The following SUMO4 variants were observed in gnomAD, a reference collection of about 807,000 sequenced individuals.
SUMO4 encodes small ubiquitin like modifier 4, also known as small ubiquitin-related modifier 4.
In SUMO4, 6 loss-of-function variants were observed where a neutral mutation model predicts 7.7. The ratio of observed to expected loss-of-function variants is 0.78; its 90% confidence interval spans 0.43 to 1.53. The LOEUF is 1.53. Ranked by LOEUF, SUMO4 falls within the 40% of genes most tolerant of loss-of-function variation. The pLI is 0.01. For synonymous variants in SUMO4, 43 were observed against 41.2 expected (o/e 1.04, Z -0.17); for missense variants, 113 against 113.6 (o/e 0.99, Z 0.03).
rs553311748 is a variant in SUMO4 at position 149,400,296 on chromosome 6, A to C, written c.-96A>C. The C allele has an allele frequency of 7.2e-7, 1 of 1,389,060 alleles. No individual in the cohort carries two copies. The highest frequency in any genetic ancestry group is 2.3e-5 in the East Asian group (1 of 43,264). The allele number at this position is 1,389,060 out of a possible 1,614,324, so 86.0% of individuals were successfully genotyped here. On this transcript the variant is annotated 5_prime_UTR_variant, in exon 1 of 1. Coordinates refer to ENST00000326669, the MANE Select transcript of SUMO4 (RefSeq NM_001002255.2). The stretch of plus-strand genomic sequence containing the variant: ...ACCCTCTCCCTCATCCACCGCTGTC[A>C]CCTCCTGCTGCTCTTCCTGCTGCTC...
rs1405947878 is a variant in SUMO4 at position 149,401,008 on chromosome 6, A to G, written c.*329A>G. The G allele has an allele frequency of 8.2e-6, 2 of 243,632 alleles. No individual in the cohort carries two copies. Among genetic ancestry groups the G allele is most frequent in the African/African-American group, 4.6e-5 (2 of 43,890 alleles). 15.1% of individuals were successfully genotyped at this position (243,632 alleles called of 1,614,324 possible). A position where few individuals can be genotyped will look rare whatever the true frequency, so the allele number is the denominator to read the frequency against. On this transcript the variant is annotated 3_prime_UTR_variant, in exon 1 of 1. Transcript: ENST00000326669. ...GCATGTTCATTCAGGTCTTATCTTTATATTCTAGTAAGTTATTTTGCTCTC... is the reference window on the plus strand; with the variant it reads ...GCATGTTCATTCAGGTCTTATCTTTGTATTCTAGTAAGTTATTTTGCTCTC...
rs1782380660 is a variant in SUMO4 at position 149,400,875 on chromosome 6, T to G, written c.*196T>G. 3 of 611,126 alleles carry G rather than the reference T, an allele frequency of 4.9e-6. No homozygotes were observed. Among genetic ancestry groups the G allele is most frequent in the East Asian group, 5.9e-5 (2 of 33,948 alleles). 37.9% of individuals were successfully genotyped at this position (611,126 alleles called of 1,614,324 possible). ...TGGTATGTGTACACAAGCATATTGC[T>G]TTTTTCTTCAAACCAAACAGCCAAT... On this transcript the variant is annotated 3_prime_UTR_variant, in exon 1 of 1. Coordinates refer to ENST00000326669, the MANE Select transcript of SUMO4 (RefSeq NM_001002255.2).
chr6:149,400,391 C>G lies in SUMO4; in HGVS notation c.-1C>G, dbSNP rs1356324946. 1 of 1,613,752 alleles carries G rather than the reference C, an allele frequency of 6.2e-7. No individual in the cohort carries two copies. Among genetic ancestry groups the G allele is most frequent in the Non-Finnish European group, 8.5e-7 (1 of 1,179,920 alleles). ...CAGCTGAGGAGACTCCGGTGTTCAC[C>G]ATGGCCAACGAAAAGCCCACAGAAG... is the stretch of plus-strand genomic sequence containing the variant. On this transcript the variant is annotated 5_prime_UTR_variant, in exon 1 of 1. Coordinates refer to ENST00000326669, the MANE Select transcript of SUMO4 (RefSeq NM_001002255.2).
In SUMO4 at chr6:149,400,631, T is replaced by A; in HGVS notation, c.240T>A (p.Asp80Glu). ...AACCTGCACAGTTGGAAATGGAAGA[T>A]GAAGATACAATTGATGTGTTTCAAC... The part of the protein sequence containing the change: ...TDKPAQLEME[D>E]EDTIDVFQQP... Residue 80 changes from aspartate (D) to glutamate (E), a missense_variant, in exon 1 of 1, where the codon GAT (aspartate) becomes GAA (glutamate). Coordinates refer to ENST00000326669, the MANE Select transcript of SUMO4 (RefSeq NM_001002255.2). 1 of 1,614,188 alleles carries A rather than the reference T, an allele frequency of 6.2e-7. No homozygotes were observed.
At position 149,400,355 on chromosome 6, in the gene SUMO4, T is replaced by C. The variant is rs557792484; in HGVS notation, c.-37T>C. 142 of 1,603,948 alleles carry C rather than the reference T, an allele frequency of 8.9e-5. No individual in the cohort carries two copies. In the Middle Eastern group the frequency reaches 1.3e-3, roughly 14 times the overall value. ...GTTAGGTGCGGACCCGCCACCTCTT[T>C]TGTGAAGCAGCAGCTGAGGAGACTC... On this transcript the variant is annotated 5_prime_UTR_variant, in exon 1 of 1. Transcript: ENST00000326669.
rs1049150061 is a variant in SUMO4 at position 149,400,809 on chromosome 6, T to C, written c.*130T>C. On this transcript the variant is annotated 3_prime_UTR_variant, in exon 1 of 1. Transcript: ENST00000326669. ...TACAGTATAGTTTTCTCTATTCTTT[T>C]GTTTCCCCCTTCCACATTCTTTTAT... 3.9e-6 allele frequency: 4 copies of C among 1,029,178 alleles called. No individual in the cohort carries two copies. In the African/African-American group the frequency reaches 4.9e-5, roughly 13 times the overall value. The allele number at this position is 1,029,178 out of a possible 1,614,324, so 63.8% of individuals were successfully genotyped here.
rs542559551 is a variant in SUMO4, at chr6:149,400,409, C to A, written c.18C>A (p.Pro6=). The change falls in exon 1 of 1, where the codon CCC becomes CCA. Residue 6 remains proline (P), a synonymous_variant. Transcript: ENST00000326669. MANEK[P]TEEVKTENNN... is the part of the protein sequence containing the mutation. ...TGTTCACCATGGCCAACGAAAAGCC[C>A]ACAGAAGAAGTCAAGACTGAGAACA... 19 of 1,614,040 alleles carry A rather than the reference C, an allele frequency of 1.2e-5. No individual in the cohort carries two copies. Among genetic ancestry groups the A allele is most frequent in the Non-Finnish European group, 1.6e-5 (19 of 1,180,042 alleles).
At position 149,400,306 on chromosome 6, in the gene SUMO4, G is replaced by T; in HGVS notation, c.-86G>T. The T allele has an allele frequency of 6.8e-7, 1 of 1,460,334 alleles. No homozygotes were observed. The highest frequency in any genetic ancestry group is 9.3e-7 in the Non-Finnish European group (1 of 1,076,000). The allele number at this position is 1,460,334 out of a possible 1,614,324, so 90.5% of individuals were successfully genotyped here. On this transcript the variant is annotated 5_prime_UTR_variant, in exon 1 of 1. Coordinates refer to ENST00000326669, the MANE Select transcript of SUMO4 (RefSeq NM_001002255.2). ...TCATCCACCGCTGTCACCTCCTGCT[G>T]CTCTTCCTGCTGCTCGTGTACTCGT...
chr6:149,401,050 CA>C lies in SUMO4; in HGVS notation c.*380del, dbSNP rs984797511. On this transcript the variant is annotated 3_prime_UTR_variant, in exon 1 of 1. Transcript: ENST00000326669. ...TTTGCTCTCACTGTTTTAACAACAA[CA>C]AAAAAAAATTCTCACATACCTTGTT... The C allele has an allele frequency of 4.1e-4, 80 of 196,012 alleles. No individual in the cohort carries two copies. Among genetic ancestry groups the C allele is most frequent in the East Asian group, 9.2e-4 (6 of 6,500 alleles). 12.1% of individuals were successfully genotyped at this position (196,012 alleles called of 1,614,324 possible). A position where few individuals can be genotyped will look rare whatever the true frequency, so the allele number is the denominator to read the frequency against.
At position 149,400,610 on chromosome 6, in the gene SUMO4, T is replaced by C. The variant is rs148387745; in HGVS notation, c.219T>C (p.Pro73=). The change falls in exon 1 of 1, where the codon CCT becomes CCC. Residue 73 remains proline, a synonymous_variant. Coordinates refer to ENST00000326669, the MANE Select transcript of SUMO4 (RefSeq NM_001002255.2). The stretch of plus-strand genomic sequence containing the variant: ...AACCAATCAGTGGAACAGACAAACC[T>C]GCACAGTTGGAAATGGAAGATGAAG... The part of the protein sequence containing the change: ...GGQPISGTDK[P]AQLEMEDEDT... 186 of 1,614,090 alleles carry C rather than the reference T, an allele frequency of 1.2e-4. No homozygotes were observed. Among genetic ancestry groups the C allele is most frequent in the Non-Finnish European group, 1.5e-4 (177 of 1,180,040 alleles).
chr6:149,400,298 C>T lies in SUMO4; in HGVS notation c.-94C>T. ...CCTCTCCCTCATCCACCGCTGTCAC[C>T]TCCTGCTGCTCTTCCTGCTGCTCGT... On this transcript the variant is annotated 5_prime_UTR_variant, in exon 1 of 1. Transcript: ENST00000326669. 2.1e-6 allele frequency: 3 copies of T among 1,407,692 alleles called. No individual in the cohort carries two copies. Among genetic ancestry groups the T allele is most frequent in the Non-Finnish European group, 2.9e-6 (3 of 1,032,904 alleles). 87.2% of individuals were successfully genotyped at this position (1,407,692 alleles called of 1,614,324 possible).
Position 149,400,743 on chromosome 6 carries a change from A to G in SUMO4, c.*64A>G. 1 of 1,545,488 alleles carries G rather than the reference A, an allele frequency of 6.5e-7. No individual in the cohort carries two copies. Among genetic ancestry groups the G allele is most frequent in the African/African-American group, 1.4e-5 (1 of 72,734 alleles). ...TAAAGACCAAGATTACTGCATTCTC[A>G]ATTAGAAAACTGCAATTTGGTTCCA... On this transcript the variant is annotated 3_prime_UTR_variant, in exon 1 of 1. Coordinates refer to ENST00000326669, the MANE Select transcript of SUMO4 (RefSeq NM_001002255.2).
In SUMO4 at chr6:149,400,419, G is replaced by A; in HGVS notation, c.28G>A (p.Val10Ile). MANEKPTEE[V>I]KTENNNHINL... ...GGCCAACGAAAAGCCCACAGAAGAA[G>A]TCAAGACTGAGAACAACAATCATAT... The change falls in exon 1 of 1, where the codon GTC (valine) becomes ATC (isoleucine). Residue 10 changes from valine to isoleucine, a missense_variant. Physicochemically the swap from Val to Ile is conservative, Grantham distance 29 (BLOSUM62 3). Coordinates refer to ENST00000326669, the MANE Select transcript of SUMO4 (RefSeq NM_001002255.2). 2 of 1,614,226 alleles carry A rather than the reference G, an allele frequency of 1.2e-6. No homozygotes were observed. The highest frequency in any genetic ancestry group is 2.7e-5 in the African/African-American group (2 of 75,082).
Position 149,400,883 on chromosome 6 carries a change from TCAAAC to T in SUMO4, c.*210_*214del, listed in dbSNP as rs1782381061. The T allele has an allele frequency of 1.7e-6, 1 of 587,776 alleles. No individual in the cohort carries two copies. The highest frequency in any genetic ancestry group is 2.9e-6 in the Non-Finnish European group (1 of 339,948). 36.4% of individuals were successfully genotyped at this position (587,776 alleles called of 1,614,324 possible). A position where few individuals can be genotyped will look rare whatever the true frequency, so the allele number is the denominator to read the frequency against. On this transcript the variant is annotated 3_prime_UTR_variant, in exon 1 of 1. Coordinates refer to ENST00000326669, the MANE Select transcript of SUMO4 (RefSeq NM_001002255.2). The stretch of plus-strand genomic sequence containing the variant: ...GTACACAAGCATATTGCTTTTTTCT[TCAAAC>T]CAAACAGCCAATGGTATGTTTTGAT...
chr6:149,400,492 T>C lies in SUMO4; in HGVS notation c.101T>C (p.Ile34Thr). The change falls in exon 1 of 1, where the codon ATT becomes ACT. Residue 34 changes from isoleucine to threonine, a missense_variant. Ile to Thr is a moderately conservative substitution (Grantham distance 89). Coordinates refer to ENST00000326669, the MANE Select transcript of SUMO4 (RefSeq NM_001002255.2). ...GATGGTTCTGTGGTGCAGTTTAAGA[T>C]TAAGAGGCAGACACCACTTAGTAAA... is the stretch of plus-strand genomic sequence containing the variant. ...GQDGSVVQFK[I>T]KRQTPLSKLM... 5 of 1,614,192 alleles carry C rather than the reference T, an allele frequency of 3.1e-6. No individual in the cohort carries two copies. Among genetic ancestry groups the C allele is most frequent in the Non-Finnish European group, 4.2e-6 (5 of 1,180,030 alleles).
In SUMO4 at chr6:149,400,725, C is replaced by G. The variant is rs368075976; in HGVS notation, c.*46C>G. ...CTCCAGAACGCTGTTCTTTAAAGAC[C>G]AAGATTACTGCATTCTCAATTAGAA... On this transcript the variant is annotated 3_prime_UTR_variant, in exon 1 of 1. Transcript: ENST00000326669. 1 of 1,583,826 alleles carries G rather than the reference C, an allele frequency of 6.3e-7. No homozygotes were observed. The highest frequency in any genetic ancestry group is 8.6e-7 in the Non-Finnish European group (1 of 1,164,606).
At position 149,400,462 on chromosome 6, in the gene SUMO4, G is replaced by A. The variant is rs1252136106; in HGVS notation, c.71G>A (p.Gly24Glu). 1.2e-6 allele frequency: 2 copies of A among 1,614,240 alleles called. No individual in the cohort carries two copies. The highest frequency in any genetic ancestry group is 2.7e-5 in the African/African-American group (2 of 75,068). ...NNNHINLKVA[G>E]QDGSVVQFKI... The stretch of plus-strand genomic sequence containing the variant: ...AATCATATTAATTTGAAGGTGGCGG[G>A]ACAGGATGGTTCTGTGGTGCAGTTT... The change falls in exon 1 of 1, where the codon GGA (glycine) becomes GAA (glutamate). Residue 24 changes from glycine to glutamate, a missense_variant. By Grantham distance (98) the Gly-to-Glu change is moderately conservative. Coordinates refer to ENST00000326669, the MANE Select transcript of SUMO4 (RefSeq NM_001002255.2).
rs530895667 is a variant in SUMO4 at position 149,400,453 on chromosome 6, A to G, written c.62A>G (p.Lys21Arg). The G allele has an allele frequency of 2.5e-6, 4 of 1,614,254 alleles. No homozygotes were observed. The highest frequency in any genetic ancestry group is 1.7e-5 in the Admixed American group (1 of 60,038). The change falls in exon 1 of 1, where the codon AAG becomes AGG. Residue 21 changes from lysine (K) to arginine (R), a missense_variant. Lys to Arg is a conservative substitution (Grantham distance 26, BLOSUM62 2). Coordinates refer to ENST00000326669, the MANE Select transcript of SUMO4 (RefSeq NM_001002255.2). Reference sequence around the variant, plus strand: ...GAGAACAACAATCATATTAATTTGAAGGTGGCGGGACAGGATGGTTCTGTG... The same window carrying G: ...GAGAACAACAATCATATTAATTTGAGGGTGGCGGGACAGGATGGTTCTGTG... ...KTENNNHINL[K>R]VAGQDGSVVQ...
In SUMO4 at chr6:149,400,444, T is replaced by C; in HGVS notation, c.53T>C (p.Ile18Thr). The change falls in exon 1 of 1, where the codon ATT becomes ACT. Residue 18 changes from isoleucine to threonine, a missense_variant. By Grantham distance (89) the Ile-to-Thr change is moderately conservative (BLOSUM62 -1). Coordinates refer to ENST00000326669, the MANE Select transcript of SUMO4 (RefSeq NM_001002255.2). The stretch of plus-strand genomic sequence containing the variant: ...GTCAAGACTGAGAACAACAATCATA[T>C]TAATTTGAAGGTGGCGGGACAGGAT... ...EEVKTENNNH[I>T]NLKVAGQDGS... 1 of 1,614,222 alleles carries C rather than the reference T, an allele frequency of 6.2e-7. No individual in the cohort carries two copies.
Sources: gnomAD v4.1 joint callset for allele counts on GRCh38, gnomAD v4.1.1 for gene constraint, MANE v1.5 for transcripts, NCBI Gene and HGNC (gene_info 2026-07-23, HGNC 2026-07-21) for gene names.